The following RETREG3 variants were observed in gnomAD, a reference collection of about 807,000 sequenced individuals.
The protein encoded by RETREG3 is reticulophagy regulator 3.
In RETREG3, 23 loss-of-function variants were observed where a neutral mutation model predicts 50.2. That is an observed-to-expected ratio of 0.46 (90% CI 0.33 to 0.65). The LOEUF is 0.65. Among genes scored for constraint, RETREG3 ranks in the 30% least tolerant of loss-of-function variants. The pLI is 0.02. For synonymous variants in RETREG3, 240 were observed against 234.4 expected (o/e 1.02, Z -0.22); for missense variants, 546 against 598.0 (o/e 0.91, Z 0.91).
intron 1 of RETREG3, among the ~76,000 whole-genome samples, chr17:42,604,163 T>TA (rs2045441952): frequency 6.6e-6 from 1 of 151,982 alleles, no homozygotes; most frequent in Admixed American, 6.6e-5. Flanking sequence ...TTTATTTATT[T>TA]TTTTGGGGGG....
intron 1 of RETREG3, chr17:42,605,328 A>AT (rs899374165): frequency 6.6e-5 from 10 of 152,050 alleles, no homozygotes; most frequent in African/African-American, 2.4e-4. Context: ...ATGATATGTC[A>AT]TTTTTGTCCC....
intron 1 of RETREG3, chr17:42,605,129 A>G (rs981125555): frequency 6.6e-6 from 1 of 151,826 alleles, no homozygotes; most frequent in Non-Finnish European, 1.5e-5. Flanking sequence ...CTATGGTGAC[A>G]AGGTATCTAC....
At chr17:42,591,439 C>T (rs2093133008) in intron 2 of RETREG3, among the ~76,000 whole-genome samples, 1 of 151,690 alleles carries the variant, frequency 6.6e-6, no homozygotes, top group Non-Finnish European at 1.5e-5. Flanking sequence ...CTCCCAGGTT[C>T]AAGTGATTCT....
chr17:42,590,245 C>A (rs2093129864), intron 2 of RETREG3, among the ~76,000 whole-genome samples: 1 of 151,974 alleles, frequency 6.6e-6, no homozygotes, highest in African/African-American at 2.4e-5. Context: ...GTGGTATGCA[C>A]CTGTAGTCCC....
chr17:42,604,664 T>C (rs1225348251), intron 1 of RETREG3, among the ~76,000 whole-genome samples: 1 of 137,602 alleles, frequency 7.3e-6, no homozygotes, highest in Non-Finnish European at 1.5e-5. Context: ...AGGGAGACCC[T>C]GTCCAGCCCA....
At chr17:42,587,520 A>G (rs2143382584) in intron 3 of RETREG3, among the ~76,000 whole-genome samples, 1 of 152,368 alleles carries the variant, frequency 6.6e-6, no homozygotes, top group Admixed American at 6.5e-5. Flanking sequence ...TATAAAAGCC[A>G]GGAGACAAAT....
intron 1 of RETREG3, among the ~76,000 whole-genome samples, chr17:42,602,542 T>G (rs761033305): frequency 1.1e-4 from 16 of 152,322 alleles, no homozygotes; most frequent in Middle Eastern, 3.4e-3. Flanking sequence ...CTTAAGTGGC[T>G]TAAAATATGT....
At position 42,586,773 on chromosome 17, in the gene RETREG3, G is replaced by C; in HGVS notation, c.496C>G (p.Pro166Ala). 1 of 1,613,700 alleles carries C rather than the reference G, an allele frequency of 6.2e-7. No homozygotes were observed. Among genetic ancestry groups the C allele is most frequent in the Admixed American group, 1.7e-5 (1 of 59,984 alleles). The part of the protein sequence containing the change: ...RNVLLFKKQN[P>A]GKFCLLSCGI... ...AAAGGGAAGAGTCTTACCTTGCCTG[G>C]GTTTTGCTTTTTGAAAAGCAAAACA... Residue 166 changes from proline (P) to alanine (A), a missense_variant, in exon 4 of 9, where the codon CCA becomes GCA. Pro to Ala is a conservative substitution (Grantham distance 27, BLOSUM62 -1). Coordinates refer to ENST00000309428, the MANE Select transcript of RETREG3 (RefSeq NM_178126.4).
At position 42,606,266 on chromosome 17, in the gene RETREG3, A is replaced by G. The variant is rs545274447; in HGVS notation, c.239+2820T>C. ...CAAATTAAAGCTAGCTGTAACATCT[A>G]AAGATATGTCCCAGTCACAGCAGCT... On this transcript the variant is annotated intron_variant, in intron 1 of 8. Coordinates refer to ENST00000309428, the MANE Select transcript of RETREG3 (RefSeq NM_178126.4). 7.2e-5 allele frequency among the ~76,000 whole-genome samples: 11 copies of G among 152,268 alleles called. No homozygotes were observed. In the South Asian group the frequency reaches 2.3e-3, roughly 32 times the overall value.
chr17:42,595,069 G>A (rs550933453), intron 1 of RETREG3, among the ~76,000 whole-genome samples: 54 of 145,210 alleles, frequency 3.7e-4, no homozygotes, highest in East Asian at 9.0e-4. Context: ...TGGTTGAAGC[G>A]ATTCTCCTGC....
At chr17:42,600,258 T>C (rs1422758350) in intron 1 of RETREG3, among the ~76,000 whole-genome samples, 1 of 151,842 alleles carries the variant, frequency 6.6e-6, no homozygotes, top group Non-Finnish European at 1.5e-5. Context: ...TGGTGCACGC[T>C]TGTACTCCCA....
At chr17:42,587,885 C>A in intron 2 of RETREG3, 21 bp from the exon 3 acceptor site, 1 of 1,614,004 alleles carries the variant, frequency 6.2e-7, no homozygotes, top group Non-Finnish European at 8.5e-7. Flanking sequence ...AAAACAAACA[C>A]CAGCATTAGT....
In RETREG3 at chr17:42,592,116, C is replaced by G. The variant is rs1284513662; in HGVS notation, c.286G>C (p.Gly96Arg). The G allele has an allele frequency of 1.9e-6, 3 of 1,613,690 alleles. No homozygotes were observed. Among genetic ancestry groups the G allele is most frequent in the Non-Finnish European group, 2.5e-6 (3 of 1,179,934 alleles). ...SLRLVFLLAFGLMIIVCIDQW... is the reference protein window; with the variant it reads ...SLRLVFLLAFRLMIIVCIDQW... Reference sequence around the variant, plus strand: ...TCAATACACACAATGATCATCAAGCCAAATGCAAGTAAAAACACAAGACGA... The same window carrying G: ...TCAATACACACAATGATCATCAAGCGAAATGCAAGTAAAAACACAAGACGA... Residue 96 changes from glycine (G) to arginine (R), a missense_variant, in exon 2 of 9, where the codon GGC (glycine) becomes CGC (arginine). Transcript: ENST00000309428.
At chr17:42,589,196 C>T (rs2093127590) in intron 2 of RETREG3, among the ~76,000 whole-genome samples, 1 of 151,874 alleles carries the variant, frequency 6.6e-6, no homozygotes, top group African/African-American at 2.4e-5. Flanking sequence ...GGCAGATGAA[C>T]TACACGATTC....
rs753825526 is a variant in RETREG3, at chr17:42,594,639, C to A, written c.240-2477G>T. On this transcript the variant is annotated intron_variant, in intron 1 of 8. Transcript: ENST00000309428. ...CGGGCAGATCACGAGGTCAGGAGAT[C>A]GAGACCATCCTGGCTAACTCGTTGA... Among the ~76,000 whole-genome samples, 5 of 151,702 alleles carry A rather than the reference C, an allele frequency of 3.3e-5. No individual in the cohort carries two copies. In the South Asian group the frequency reaches 6.2e-4, roughly 19 times the overall value.
intron 1 of RETREG3, among the ~76,000 whole-genome samples, chr17:42,599,927 G>T (rs2093155425): frequency 6.6e-6 from 1 of 152,028 alleles, no homozygotes; most frequent in Non-Finnish European, 1.5e-5. Flanking sequence ...CCGGGAAACT[G>T]AGGTTGCAGC....
chr17:42,587,011 G>A, intron 3 of RETREG3, 120 bp from the exon 4 acceptor site: 2 of 1,333,138 alleles, frequency 1.5e-6, no homozygotes, highest in African/African-American at 1.5e-5. Flanking sequence ...AGGCCCAGGT[G>A]CTTTGGAGGT....
chr17:42,603,432 C>G (rs2093161952), intron 1 of RETREG3, among the ~76,000 whole-genome samples: 1 of 152,060 alleles, frequency 6.6e-6, no homozygotes, highest in Admixed American at 6.6e-5. Flanking sequence ...CCGGTAAATT[C>G]AAAGGAAAAA....
At chr17:42,591,393 T>C (rs962975210) in intron 2 of RETREG3, among the ~76,000 whole-genome samples, 5 of 151,376 alleles carry the variant, frequency 3.3e-5, no homozygotes, top group African/African-American at 1.2e-4. Context: ...GAGGCTGGAG[T>C]GCAGTGGCAC....
Sources: allele counts gnomAD v4.1 joint callset (sites outside exome capture counted in the v4.1 genomes callset), GRCh38; gene constraint gnomAD v4.1.1; transcripts MANE v1.5; gene names NCBI Gene and HGNC (gene_info 2026-07-23, HGNC 2026-07-21).